Variants in FBXO21 observed in about 807,000 individuals in gnomAD.
The protein encoded by FBXO21 is F-box only protein 21.
A neutral mutation model predicts 76.6 loss-of-function variants in FBXO21; 32 were observed. That is an observed-to-expected ratio of 0.42 (90% CI 0.32 to 0.56). The LOEUF (loss-of-function observed/expected upper bound fraction) is 0.56, where lower values mean the gene tolerates loss of function less well. FBXO21 is among the 20% of genes least tolerant of loss of function. The pLI is 0.16. For synonymous variants in FBXO21, 328 were observed against 311.5 expected (o/e 1.05, Z -0.56); for missense variants, 586 against 797.3 (o/e 0.73, Z 3.19).
At chr12:117,147,990 C>T (rs1253414726) in intron 11 of FBXO21, among the ~76,000 whole-genome samples, 1 of 152,172 alleles carries the variant, frequency 6.6e-6, no homozygotes, top group African/African-American at 2.4e-5. Context: ...AACAGCGTGG[C>T]CTATTATTTC....
rs761432736 is a variant in FBXO21 at position 117,166,976 on chromosome 12, G to A, written c.1115C>T (p.Thr372Ile). 1.2e-6 allele frequency: 2 copies of A among 1,614,178 alleles called. No homozygotes were observed. Residue 372 changes from threonine to isoleucine, a missense_variant, in exon 8 of 12, where the codon ACT (threonine) becomes ATT (isoleucine). Coordinates refer to ENST00000622495, the MANE Select transcript of FBXO21 (RefSeq NM_015002.3). ...ATTGACCACCCCATACAGTGCTGCA[G>A]TCACGTGCTGGCCGATCAAGTACTC... is the stretch of plus-strand genomic sequence containing the variant. ...ECEYLIGQHV[T>I]AALYGVVNVK...
intron 11 of FBXO21, among the ~76,000 whole-genome samples, chr12:117,148,454 T>G (rs1367798242): frequency 6.6e-6 from 1 of 152,242 alleles, no homozygotes; most frequent in East Asian, 1.9e-4. Context: ...ATGAGCAACC[T>G]GTTTGTAAGA....
intron 9 of FBXO21, among the ~76,000 whole-genome samples, chr12:117,164,153 T>G (rs1956020123): frequency 1.3e-5 from 2 of 151,828 alleles, no homozygotes; most frequent in South Asian, 4.1e-4. Flanking sequence ...TGATTACATC[T>G]TGGACAAGTA....
intron 8 of FBXO21, 102 bp downstream of exon 8, chr12:117,166,796 G>T: frequency 1.0e-6 from 1 of 953,228 alleles, no homozygotes; most frequent in South Asian, 1.5e-5. Context: ...AGGGTCTACT[G>T]CAAAGATCTC....
At chr12:117,169,335 G>C (rs1203557017) in intron 7 of FBXO21, among the ~76,000 whole-genome samples, 1 of 152,048 alleles carries the variant, frequency 6.6e-6, no homozygotes, top group African/African-American at 2.4e-5. Context: ...TGGGCGGTGG[G>C]AGACGATAAG....
intron 11 of FBXO21, among the ~76,000 whole-genome samples, chr12:117,147,104 T>C (rs1955779614): frequency 6.6e-6 from 1 of 151,138 alleles, no homozygotes; most frequent in African/African-American, 2.4e-5. Context: ...TAGCCAGGCA[T>C]GGTGGTGCAC....
chr12:117,166,177 C>T (rs943049913), intron 8 of FBXO21, among the ~76,000 whole-genome samples: 28 of 129,538 alleles, frequency 2.2e-4, no homozygotes, highest in African/African-American at 7.0e-4. Flanking sequence ...GCAACAAGAG[C>T]GAAACTATGT....
intron 3 of FBXO21, among the ~76,000 whole-genome samples, chr12:117,182,564 C>CTTTTTTTT (rs891529583): frequency 4.8e-5 from 4 of 83,338 alleles, no homozygotes; most frequent in Non-Finnish European, 6.4e-5. Context: ...GCAAGAGGAT[C>CTTTTTTTT]TTTTTTTTTT....
At position 117,174,327 on chromosome 12, in the gene FBXO21, T is replaced by C. The variant is rs1956152353; in HGVS notation, c.754A>G (p.Ile252Val). ...TGGCTCTGGAGTTCTATTTCCATTA[T>C]CATGGATGATTCACCTGAAACACAG... ...LAFKAGESSM[I>V]MEIELQSQVL... The change falls in exon 6 of 12, where the codon ATA becomes GTA. Residue 252 changes from isoleucine to valine, a missense_variant. Around this residue, in one of 6 missense-constraint regions of FBXO21, gnomAD observed 246 missense variants for 356.8 expected, o/e 0.69. Coordinates refer to ENST00000622495, the MANE Select transcript of FBXO21 (RefSeq NM_015002.3). 1 of 1,613,950 alleles carries C rather than the reference T, an allele frequency of 6.2e-7. No homozygotes were observed.
At chr12:117,146,498 C>A (rs1015295677) in intron 11 of FBXO21, among the ~76,000 whole-genome samples, 1 of 152,196 alleles carries the variant, frequency 6.6e-6, no homozygotes, top group African/African-American at 2.4e-5. Flanking sequence ...GAGCTCCCCA[C>A]GGAACAGCAG....
rs910297059 is a variant in FBXO21, at chr12:117,172,598, G to A, written c.886C>T (p.Arg296Cys). The change falls in exon 7 of 12, where the codon CGC (arginine) becomes TGC (cysteine). Residue 296 changes from arginine to cysteine, a missense_variant. By Grantham distance (180) the Arg-to-Cys change is radical. Transcript: ENST00000622495. Reference protein sequence around the residue: ...LNLYMHQVLIRRTGIPISMSL... With the variant: ...LNLYMHQVLICRTGIPISMSL... ...ATGCTGATTGGGATTCCTGTTCTGCGAATCAAAACCTAAAGCAGAAAAAAT... is the reference window on the plus strand; with the variant it reads ...ATGCTGATTGGGATTCCTGTTCTGCAAATCAAAACCTAAAGCAGAAAAAAT... 3.7e-6 allele frequency: 6 copies of A among 1,611,574 alleles called. No homozygotes were observed. Among genetic ancestry groups the A allele is most frequent in the East Asian group, 2.2e-5 (1 of 44,794 alleles).
intron 8 of FBXO21, 79 bp downstream of exon 8, chr12:117,166,819 C>T: frequency 7.8e-7 from 1 of 1,285,112 alleles, no homozygotes. Context: ...CGAAAAGTCA[C>T]TTGGCACATC....
At chr12:117,150,803 C>T (rs112613447) in intron 11 of FBXO21, among the ~76,000 whole-genome samples, 5 of 152,026 alleles carry the variant, frequency 3.3e-5, no homozygotes, top group Non-Finnish European at 7.3e-5. Context: ...TAACACTCAA[C>T]CCCACCCCCA....
intron 11 of FBXO21, among the ~76,000 whole-genome samples, chr12:117,147,356 C>T (rs1470650935): frequency 1.4e-5 from 2 of 145,294 alleles, no homozygotes; most frequent in African/African-American, 5.2e-5. Flanking sequence ...AATCCCAGCA[C>T]TTTGGGAGGA....
intron 6 of FBXO21, among the ~76,000 whole-genome samples, 155 bp downstream of exon 6, chr12:117,174,050 T>C (rs534382476): frequency 6.6e-6 from 1 of 152,146 alleles, no homozygotes; most frequent in African/African-American, 2.4e-5. Context: ...GGCGGCAAGA[T>C]CGCCTGAGCC....
chr12:117,157,357 G>T (rs1955928573), intron 10 of FBXO21, among the ~76,000 whole-genome samples: 1 of 152,152 alleles, frequency 6.6e-6, no homozygotes, highest in Non-Finnish European at 1.5e-5. Flanking sequence ...CCCTTTCTCA[G>T]GTAAGTACAC....
intron 9 of FBXO21, among the ~76,000 whole-genome samples, chr12:117,164,274 C>CTTT (rs538169408): frequency 1.7e-4 from 22 of 126,778 alleles, no homozygotes; most frequent in East Asian, 4.7e-4. Flanking sequence ...CTTTTCTTTT[C>CTTT]TTTTTTTTTT....
At chr12:117,169,834 A>C (rs527810170) in intron 7 of FBXO21, among the ~76,000 whole-genome samples, 1 of 152,132 alleles carries the variant, frequency 6.6e-6, no homozygotes, top group Non-Finnish European at 1.5e-5. Context: ...TTCCATTTAA[A>C]ATCATACCCA....
At position 117,177,564 on chromosome 12, in the gene FBXO21, T is replaced by C; in HGVS notation, c.548A>G (p.Lys183Arg). The part of the protein sequence containing the change: ...LRQQKILNNL[K>R]AFLQQPDDYE... ...GTCATCTGGCTGCTGAAGAAAGGCC[T>C]TAAGATTATTTAAGATCTTCTGTTG... Residue 183 changes from lysine to arginine, a missense_variant, in exon 4 of 12, where the codon AAG becomes AGG. Lys to Arg is a conservative substitution (Grantham distance 26, BLOSUM62 2). Around this residue, in one of 6 missense-constraint regions of FBXO21, gnomAD observed 246 missense variants for 356.8 expected, o/e 0.69. Coordinates refer to ENST00000622495, the MANE Select transcript of FBXO21 (RefSeq NM_015002.3). 1 of 1,613,962 alleles carries C rather than the reference T, an allele frequency of 6.2e-7. No homozygotes were observed. Among genetic ancestry groups the C allele is most frequent in the South Asian group, 1.1e-5 (1 of 91,068 alleles).
Sources: allele counts gnomAD v4.1 joint callset (sites outside exome capture counted in the v4.1 genomes callset), GRCh38; gene constraint gnomAD v4.1.1; regional missense constraint gnomAD v4.1.1; transcripts MANE v1.5; gene names NCBI Gene and HGNC (gene_info 2026-07-23, HGNC 2026-07-21).